Variants in CDK13 observed in about 807,000 individuals in gnomAD.
CDK13 encodes cyclin dependent kinase 13.
Under a neutral mutation model 137.6 loss-of-function variants are expected in CDK13, and 40 were observed. The ratio of observed to expected loss-of-function variants is 0.29; its 90% confidence interval spans 0.23 to 0.38. The LOEUF (loss-of-function observed/expected upper bound fraction) is 0.38. Among genes scored for constraint, CDK13 ranks in the 10% least tolerant of loss-of-function variants. The pLI is 1.00. For synonymous variants in CDK13, 869 were observed against 760.1 expected (o/e 1.14, Z -2.36); for missense variants, 1,704 against 1,951.8 (o/e 0.87, Z 2.39).
chr7:40,028,507 C>G (rs988238627), intron 5 of CDK13, among the ~76,000 whole-genome samples: 2 of 152,154 alleles, frequency 1.3e-5, no homozygotes, highest in African/African-American at 4.8e-5. Context: ...TGTGAGCCAC[C>G]ACGCCCAGCC....
intron 5 of CDK13, among the ~76,000 whole-genome samples, chr7:40,010,787 C>T (rs769135539): frequency 6.6e-6 from 1 of 152,102 alleles, no homozygotes; most frequent in Non-Finnish European, 1.5e-5. Context: ...GGGACCCCTG[C>T]ACTAAAAAAC....
chr7:39,982,299 AATG>A (rs1317996040), intron 1 of CDK13, among the ~76,000 whole-genome samples: 1 of 151,868 alleles, frequency 6.6e-6, no homozygotes, highest in African/African-American at 2.4e-5. Context: ...GTTTACTGAG[AATG>A]ATGATTTCCA....
At position 40,090,211 on chromosome 7, in the gene CDK13, C is replaced by T. The variant is rs138423282; in HGVS notation, c.3235+1880C>T. On this transcript the variant is annotated intron_variant, in intron 12 of 13. Coordinates refer to ENST00000181839, the MANE Select transcript of CDK13 (RefSeq NM_003718.5). ...CTGGTCCTCTTCATGGAACTGATGT[C>T]TTAAACTCTACCAAACGTAGTAGTT... is the stretch of plus-strand genomic sequence containing the variant. Among the ~76,000 whole-genome samples, 17 of 152,316 alleles carry T rather than the reference C, an allele frequency of 1.1e-4. 1 individual carries two copies. In the East Asian group the frequency reaches 3.3e-3, roughly 29 times the overall value.
chr7:40,079,334 G>A (rs894820761), intron 11 of CDK13, among the ~76,000 whole-genome samples: 2 of 151,986 alleles, frequency 1.3e-5, no homozygotes, highest in African/African-American at 2.4e-5. Context: ...CAGGAGAATC[G>A]CTTGAACCCG....
Position 39,959,235 on chromosome 7 carries a change from C to T in CDK13, c.1211+7383C>T, listed in dbSNP as rs1329428622. On this transcript the variant is annotated intron_variant, in intron 1 of 13. Transcript: ENST00000181839. The stretch of plus-strand genomic sequence containing the variant: ...AGGCTGGAATGGTGCGATCTCGGCT[C>T]ACCGCAACCTCTGCCTCCCGGGTTC... Among the ~76,000 whole-genome samples, 3 of 150,570 alleles carry T rather than the reference C, an allele frequency of 2.0e-5. No individual in the cohort carries two copies. The East Asian group carries it at 5.8e-4, about 29-fold the overall frequency.
At chr7:40,053,757 CT>C (rs202075128) in intron 7 of CDK13, among the ~76,000 whole-genome samples, 15,491 of 141,398 alleles carry the variant, frequency 0.11, 1,097 homozygotes, top group East Asian at 0.34. Flanking sequence ...CACCATTTTT[CT>C]TTTTTTTTTT....
intron 2 of CDK13, among the ~76,000 whole-genome samples, chr7:39,989,655 C>T (rs938143199): frequency 2.6e-5 from 4 of 152,016 alleles, no homozygotes; most frequent in African/African-American, 4.8e-5. Context: ...TCTCAGGGAA[C>T]GCTGAAGGTT....
chr7:40,054,407 C>A (rs1345622678), intron 7 of CDK13, among the ~76,000 whole-genome samples: 1 of 151,510 alleles, frequency 6.6e-6, no homozygotes, highest in Admixed American at 6.6e-5. Context: ...GTAATTTTTC[C>A]CATGAAAGTT....
chr7:40,086,022 T>C (rs1248622187), intron 11 of CDK13, among the ~76,000 whole-genome samples: 2 of 152,230 alleles, frequency 1.3e-5, no homozygotes, highest in African/African-American at 4.8e-5. Flanking sequence ...CTTTTGTATA[T>C]ACTTTTTGTT....
At chr7:39,954,474 ATC>A (rs1787343763) in intron 1 of CDK13, among the ~76,000 whole-genome samples, 1 of 152,066 alleles carries the variant, frequency 6.6e-6, no homozygotes, top group Non-Finnish European at 1.5e-5. Flanking sequence ...GGGCTGTCTT[ATC>A]CATCATTGTA....
intron 9 of CDK13, among the ~76,000 whole-genome samples, chr7:40,076,330 G>A (rs1327388242): frequency 1.3e-5 from 2 of 152,156 alleles, no homozygotes; most frequent in Admixed American, 6.6e-5. Flanking sequence ...GAGTAGCATT[G>A]GAGAATACAG....
At chr7:40,023,372 G>T (rs1357177024) in intron 5 of CDK13, among the ~76,000 whole-genome samples, 2 of 151,964 alleles carry the variant, frequency 1.3e-5, no homozygotes, top group Non-Finnish European at 2.9e-5. Flanking sequence ...GCAAACTTCT[G>T]ATTATACATT....
chr7:39,970,464 A>G (rs1562704335), intron 1 of CDK13, among the ~76,000 whole-genome samples: 1 of 143,980 alleles, frequency 6.9e-6, no homozygotes, highest in African/African-American at 2.9e-5. Flanking sequence ...TACTGTTGTC[A>G]TCTTTTTTTT....
intron 1 of CDK13, among the ~76,000 whole-genome samples, chr7:39,983,342 T>A (rs1392209967): frequency 6.6e-6 from 1 of 152,106 alleles, no homozygotes. Flanking sequence ...AGGATGATCT[T>A]GATCTCCTGA....
At position 40,091,512 on chromosome 7, in the gene CDK13, C is replaced by CAA. The variant is rs571015632; in HGVS notation, c.3236-1262_3236-1261dup. On this transcript the variant is annotated intron_variant, in intron 12 of 13. Transcript: ENST00000181839. ...TGGGGAACAGAGCAAGACTCTGTCT[C>CAA]AAAAAAAAAAAAGAAGGAGAATTCT... is the stretch of plus-strand genomic sequence containing the variant. Among the ~76,000 whole-genome samples the CAA allele has an allele frequency of 4.3e-4, 58 of 135,240 alleles. 1 individual carries two copies. In the South Asian group the frequency reaches 0.014, roughly 32 times the overall value. 88.7% of individuals were successfully genotyped at this position (135,240 alleles called of 152,430 possible).
At chr7:40,065,319 T>C (rs978042244) in intron 9 of CDK13, among the ~76,000 whole-genome samples, 2 of 152,042 alleles carry the variant, frequency 1.3e-5, no homozygotes, top group African/African-American at 4.8e-5. Context: ...AAAATTTACA[T>C]ATGCTAAAAA....
chr7:40,046,515 A>G (rs1386183379), intron 6 of CDK13, among the ~76,000 whole-genome samples: 2 of 151,466 alleles, frequency 1.3e-5, no homozygotes, highest in African/African-American at 4.9e-5. Context: ...AGCGTGGTGG[A>G]GCATGCCTGT....
At chr7:40,064,271 C>T (rs1237175283) in intron 9 of CDK13, among the ~76,000 whole-genome samples, 1 of 116,412 alleles carries the variant, frequency 8.6e-6, no homozygotes, top group African/African-American at 3.8e-5. Context: ...GCAACAAGAG[C>T]GAAATTATGT....
intron 1 of CDK13, 97 bp downstream of exon 1, chr7:39,951,949 G>A: frequency 4.9e-6 from 6 of 1,233,938 alleles, no homozygotes; most frequent in Non-Finnish European, 6.2e-6. Flanking sequence ...AACGACTCAG[G>A]TCCACCACCG....
Sources: allele counts gnomAD v4.1 joint callset (sites outside exome capture counted in the v4.1 genomes callset), GRCh38; gene constraint gnomAD v4.1.1; transcripts MANE v1.5; gene names NCBI Gene and HGNC (gene_info 2026-07-23, HGNC 2026-07-21).